The following RFX3 variants were observed in gnomAD, a reference collection of about 807,000 sequenced individuals.
RFX3 encodes the protein transcription factor RFX3.
RFX3 carries 14 observed loss-of-function variants against 98.6 expected under a neutral mutation model. The observed-to-expected ratio is 0.14, with a 90% CI of 0.09 to 0.22. The LOEUF (loss-of-function observed/expected upper bound fraction) is 0.22. RFX3 is among the 10% of genes least tolerant of loss of function. The pLI is 1.00. For missense variants in RFX3, 639 were observed against 926.9 expected, an observed-to-expected ratio of 0.69 and a Z score of 4.03; for synonymous variants, 383 against 328.4, an observed-to-expected ratio of 1.17 and a Z score of -1.80.
chr9:3,355,842 G>A (rs1835684765), intron 2 of RFX3, among the ~76,000 whole-genome samples: 1 of 151,758 alleles, frequency 6.6e-6, no homozygotes, highest in African/African-American at 2.4e-5. Context: ...CATGCTCTCT[G>A]ACCAAAAACA....
intron 1 of RFX3, among the ~76,000 whole-genome samples, chr9:3,502,190 C>A (rs1587872325): frequency 6.6e-6 from 1 of 150,988 alleles, no homozygotes; most frequent in East Asian, 2.0e-4. Context: ...ACCCGGGAGG[C>A]GGAGCTTGCA....
Position 3,247,216 on chromosome 9 carries a change from A to C in RFX3, c.1968+816T>G, listed in dbSNP as rs553542097. On this transcript the variant is annotated intron_variant, in intron 15 of 16. Coordinates refer to ENST00000617270, the MANE Select transcript of RFX3 (RefSeq NM_001282116.2). ...AAATAAGCCAGTGCTGAACCATCTG[A>C]GCATTTGCATCTATTCCTCATTATA... The C allele has an allele frequency of 1.6e-5, 16 of 984,562 alleles. No homozygotes were observed. The African/African-American group carries it at 2.6e-4, about 16-fold the overall frequency. 61.0% of individuals were successfully genotyped at this position (984,562 alleles called of 1,614,324 possible).
chr9:3,474,078 T>C (rs565036546), intron 1 of RFX3, among the ~76,000 whole-genome samples: 1 of 152,326 alleles, frequency 6.6e-6, no homozygotes, highest in African/African-American at 2.4e-5. Context: ...CTGAGGCTGC[T>C]GGGCTGGGAA....
intron 1 of RFX3, chr9:3,469,241 G>C: frequency 2.2e-6 from 1 of 451,880 alleles, no homozygotes; most frequent in Admixed American, 2.4e-5. Flanking sequence ...TTCAATGTAG[G>C]AACACAAATA....
intron 1 of RFX3, among the ~76,000 whole-genome samples, chr9:3,475,069 C>T (rs1054677140): frequency 4.2e-5 from 6 of 144,368 alleles, no homozygotes; most frequent in Non-Finnish European, 9.0e-5. Context: ...ACTGCACTAA[C>T]AGCCTGGGCA....
intron 2 of RFX3, among the ~76,000 whole-genome samples, chr9:3,375,807 A>G (rs1229984493): frequency 2.0e-5 from 3 of 152,104 alleles, no homozygotes; most frequent in African/African-American, 7.2e-5. Flanking sequence ...AAAAATATAA[A>G]AAATTAGCTA....
At chr9:3,394,502 T>C (rs1200075230) in intron 2 of RFX3, among the ~76,000 whole-genome samples, 2 of 152,174 alleles carry the variant, frequency 1.3e-5, no homozygotes, top group Admixed American at 6.5e-5. Context: ...TTATCTCAGA[T>C]GTCTTTACTT....
At chr9:3,270,919 A>T (rs767082772) in intron 10 of RFX3, 84 bp downstream of exon 10, 139 of 1,590,096 alleles carry the variant, frequency 8.7e-5, no homozygotes, top group Non-Finnish European at 1.2e-4. Flanking sequence ...GGTAAGGTTC[A>T]CAACTGGTAT....
intron 4 of RFX3, among the ~76,000 whole-genome samples, chr9:3,311,757 G>A (rs868157422): frequency 5.3e-5 from 8 of 152,068 alleles, no homozygotes; most frequent in African/African-American, 1.9e-4. Context: ...GTGGGTGGGC[G>A]CCTGTTATCC....
At chr9:3,475,692 G>C (rs539040237) in intron 1 of RFX3, among the ~76,000 whole-genome samples, 1 of 152,222 alleles carries the variant, frequency 6.6e-6, no homozygotes, top group African/African-American at 2.4e-5. Flanking sequence ...GCAGAGCCAG[G>C]TGTACAGGAT....
rs78774901 is a variant in RFX3, at chr9:3,302,296, A to G, written c.475-676T>C. On this transcript the variant is annotated intron_variant, in intron 4 of 16. Transcript: ENST00000617270. The stretch of plus-strand genomic sequence containing the variant: ...AAGAAGAGAAAATAATTCAGAGACA[A>G]CAAAGAGAAGGGACAATCACAGAAA... 9.8e-3 allele frequency among the ~76,000 whole-genome samples: 1,492 copies of G among 151,922 alleles called. 19 individuals carry two copies. Among genetic ancestry groups the G allele is most frequent in the African/African-American group, 0.034 (1,417 of 41,502 alleles).
intron 1 of RFX3, among the ~76,000 whole-genome samples, chr9:3,446,728 T>G (rs981451474): frequency 6.6e-6 from 1 of 152,138 alleles, no homozygotes; most frequent in African/African-American, 2.4e-5. Context: ...TTTCCTAAAA[T>G]CAATCTTAAT....
At chr9:3,501,091 A>G (rs1481127446) in intron 1 of RFX3, among the ~76,000 whole-genome samples, 1 of 152,184 alleles carries the variant, frequency 6.6e-6, no homozygotes, top group Non-Finnish European at 1.5e-5. Flanking sequence ...CGTAAAAGAA[A>G]CTATATACTA....
At chr9:3,333,388 T>A (rs923281373) in intron 3 of RFX3, among the ~76,000 whole-genome samples, 1 of 151,038 alleles carries the variant, frequency 6.6e-6, no homozygotes, top group Non-Finnish European at 1.5e-5. Flanking sequence ...CAAATCCAGG[T>A]AAAAAGTTTA....
intron 4 of RFX3, among the ~76,000 whole-genome samples, chr9:3,324,628 C>A (rs1190611178): frequency 6.7e-6 from 1 of 149,878 alleles, no homozygotes; most frequent in Admixed American, 6.7e-5. Context: ...AATATATATT[C>A]TGCTTGAATA....
intron 1 of RFX3, among the ~76,000 whole-genome samples, chr9:3,422,744 C>T (rs1036231006): frequency 6.6e-6 from 1 of 152,078 alleles, no homozygotes; most frequent in African/African-American, 2.4e-5. Context: ...TGTGCACTGA[C>T]TGAACACCTG....
At chr9:3,410,359 TGA>T (rs1431091519) in intron 1 of RFX3, among the ~76,000 whole-genome samples, 1 of 152,198 alleles carries the variant, frequency 6.6e-6, no homozygotes, top group Non-Finnish European at 1.5e-5. Context: ...ACAGAGTTTC[TGA>T]GTGTCTCAGG....
intron 1 of RFX3, among the ~76,000 whole-genome samples, chr9:3,438,079 A>T (rs1022295165): frequency 1.3e-5 from 2 of 152,090 alleles, no homozygotes; most frequent in African/African-American, 2.4e-5. Context: ...GATGTTCTCC[A>T]TATGATCGTA....
intron 11 of RFX3, among the ~76,000 whole-genome samples, chr9:3,267,261 C>G (rs1823771422): frequency 6.6e-6 from 1 of 151,950 alleles, no homozygotes; most frequent in African/African-American, 2.4e-5. Context: ...GCACCCACAA[C>G]ATAAAAGTAA....
Sources: allele counts gnomAD v4.1 joint callset (sites outside exome capture counted in the v4.1 genomes callset), GRCh38; gene constraint gnomAD v4.1.1; transcripts MANE v1.5; gene names NCBI Gene and HGNC (gene_info 2026-07-23, HGNC 2026-07-21).